The following TGFBR3 variants were observed in gnomAD, a reference collection of about 807,000 sequenced individuals.
TGFBR3 encodes the protein transforming growth factor beta receptor type 3.
TGFBR3 carries 46 observed loss-of-function variants against 87.9 expected under a neutral mutation model. The ratio of observed to expected loss-of-function variants is 0.52; its 90% CI spans 0.41 to 0.67. The LOEUF (loss-of-function observed/expected upper bound fraction) is 0.67, where lower values mean the gene tolerates loss of function less well. Among genes scored for constraint, TGFBR3 ranks in the 30% least tolerant of loss-of-function variants. The pLI is 0.00. For missense variants in TGFBR3, 866 were observed against 1,041.9 expected, an observed-to-expected ratio of 0.83 and a Z score of 2.32; for synonymous variants, 381 against 391.6, an observed-to-expected ratio of 0.97 and a Z score of 0.32.
chr1:91,858,115 T>C (rs1345360355), intron 2 of TGFBR3, among the ~76,000 whole-genome samples: 1 of 152,198 alleles, frequency 6.6e-6, no homozygotes, highest in East Asian at 1.9e-4. Flanking sequence ...TTAAAGTATC[T>C]ATATTTCTTA....
intron 3 of TGFBR3, among the ~76,000 whole-genome samples, chr1:91,785,475 G>A (rs1257254589): frequency 6.6e-6 from 1 of 152,126 alleles, no homozygotes. Flanking sequence ...ACTTTAAACA[G>A]GTAAACTTTA....
chr1:91,712,301 A>C lies in TGFBR3; in HGVS notation c.2108T>G (p.Leu703Arg). The C allele has an allele frequency of 1.2e-6, 2 of 1,614,236 alleles. No individual in the cohort carries two copies. Among genetic ancestry groups the C allele is most frequent in the Non-Finnish European group, 1.7e-6 (2 of 1,180,040 alleles). Residue 703 changes from leucine to arginine, a missense_variant, in exon 13 of 17, where the codon CTA (leucine) becomes CGA (arginine). By Grantham distance (102) the Leu-to-Arg change is moderately radical. Transcript: ENST00000212355. The part of the protein sequence containing the change: ...KPVFNTSLLF[L>R]QCELTLCTKM... ...CGTACACAGCGTCAGCTCACACTGT[A>C]GAAAGAGCAGTGAGGTGTTGAAGAC...
At chr1:91,860,338 T>C (rs1323548813) in intron 2 of TGFBR3, among the ~76,000 whole-genome samples, 11 of 152,238 alleles carry the variant, frequency 7.2e-5, no homozygotes, top group Admixed American at 5.9e-4. Context: ...CACTCTCATC[T>C]GTATGTGCAA....
rs528495584 is a variant in TGFBR3 at position 91,903,080 on chromosome 1, C to T, written c.-175+2746G>A. Among the ~76,000 whole-genome samples the T allele has an allele frequency of 2.0e-5, 3 of 150,402 alleles. No individual in the cohort carries two copies. In the South Asian group the frequency reaches 6.3e-4, roughly 32 times the overall value. On this transcript the variant is annotated intron_variant, in intron 1 of 17. Coordinates refer to the TGFBR3 transcript ENST00000370399. ...GGCATGGTGGCTCAAGCCTGTAATC[C>T]CAGCACTTTGGCAGGCCGAGATGGT...
At chr1:91,732,682 C>T (rs1318876360) in intron 5 of TGFBR3, among the ~76,000 whole-genome samples, 1 of 152,186 alleles carries the variant, frequency 6.6e-6, no homozygotes, top group Admixed American at 6.5e-5. Context: ...CACGGCATGG[C>T]CCGGTGACTC....
intron 2 of TGFBR3, among the ~76,000 whole-genome samples, chr1:91,837,333 C>T (rs1219037107): frequency 1.3e-5 from 2 of 152,064 alleles, no homozygotes; most frequent in African/African-American, 4.8e-5. Context: ...GCAGCCTCCA[C>T]CTCGTGGGTT....
chr1:91,791,691 T>C (rs934254615), intron 3 of TGFBR3, among the ~76,000 whole-genome samples: 7 of 152,186 alleles, frequency 4.6e-5, no homozygotes, highest in Non-Finnish European at 8.8e-5. Flanking sequence ...AGCTTGCAGC[T>C]TGCACTGTAG....
chr1:91,868,830 A>T (rs115433551), intron 1 of TGFBR3, among the ~76,000 whole-genome samples: 5,444 of 152,300 alleles, frequency 0.036, 134 homozygotes, highest in Non-Finnish European at 0.053. Flanking sequence ...CAAAAAATTT[A>T]AAAGTGCACC....
At chr1:91,717,051 G>A (rs1672200100) in intron 10 of TGFBR3, among the ~76,000 whole-genome samples, 1 of 152,186 alleles carries the variant, frequency 6.6e-6, no homozygotes, top group Non-Finnish European at 1.5e-5. Context: ...GAGTTGTCAA[G>A]AGACTTGCCT....
intron 4 of TGFBR3, among the ~76,000 whole-genome samples, chr1:91,743,096 C>G (rs1277724635): frequency 2.0e-5 from 3 of 152,290 alleles, no homozygotes; most frequent in Admixed American, 2.0e-4. Context: ...ATCTCCCAAG[C>G]CTGAGTGAAG....
At chr1:91,796,856 A>G (rs929794875) in intron 3 of TGFBR3, among the ~76,000 whole-genome samples, 1 of 151,432 alleles carries the variant, frequency 6.6e-6, no homozygotes, top group Non-Finnish European at 1.5e-5. Flanking sequence ...AGCTGGGACT[A>G]CATGTGCTAA....
Position 91,885,880 on chromosome 1 carries a change from C to T in TGFBR3, c.-116G>A, listed in dbSNP as rs906892531. 4.7e-5 allele frequency: 18 copies of T among 380,676 alleles called. No homozygotes were observed. The highest frequency in any genetic ancestry group is 3.6e-4 in the African/African-American group (17 of 46,606). 23.6% of individuals were successfully genotyped at this position (380,676 alleles called of 1,614,324 possible). ...CGCGGGGCTGGGCCGGCACGTACCT[C>T]GGAGGCGGTGTGTCCAGCGGAGATC... is the stretch of plus-strand genomic sequence containing the variant. On this transcript the variant is annotated splice_region_variant and 5_prime_UTR_variant, in exon 1 of 17. Coordinates refer to ENST00000212355, the MANE Select transcript of TGFBR3 (RefSeq NM_003243.5).
intron 2 of TGFBR3, among the ~76,000 whole-genome samples, chr1:91,799,502 T>C (rs554765498): frequency 1.3e-5 from 2 of 152,294 alleles, no homozygotes; most frequent in Admixed American, 1.3e-4. Flanking sequence ...TCTGGTATAC[T>C]TCACACCCAG....
In TGFBR3 at chr1:91,843,996, G is replaced by A. The variant is rs530547371; in HGVS notation, c.61+17475C>T. On this transcript the variant is annotated intron_variant, in intron 2 of 16. Coordinates refer to ENST00000212355, the MANE Select transcript of TGFBR3 (RefSeq NM_003243.5). ...TTCACTGGAGTGACTCTGTTCCAGC[G>A]AAACTCTGCTGGGAAAGCCCAACGG... Among the ~76,000 whole-genome samples, 9 of 152,258 alleles carry A rather than the reference G, an allele frequency of 5.9e-5. No individual in the cohort carries two copies. The East Asian group carries it at 7.7e-4, about 13-fold the overall frequency.
chr1:91,683,820 C>CG lies in TGFBR3; in HGVS notation c.2474dup (p.Pro826AlafsTer104). Reference sequence around the variant, plus strand: ...CAGCACTGCTGTTTTCCGAGGCTGGCGGGGAGGTGGGGACTTGCTGCCTTC... The same window carrying CG: ...CAGCACTGCTGTTTTCCGAGGCTGGCGGGGGAGGTGGGGACTTGCTGCCTTC... On this transcript the variant is annotated frameshift_variant, in exon 17 of 17. Transcript: ENST00000212355. LOFTEE classifies it high-confidence loss of function. 1 of 1,607,444 alleles carries CG rather than the reference C, an allele frequency of 6.2e-7. No homozygotes were observed. Among genetic ancestry groups the CG allele is most frequent in the African/African-American group, 1.3e-5 (1 of 74,966 alleles).
In TGFBR3 at chr1:91,885,876, A is replaced by C; in HGVS notation, c.-114+2T>G. 1 of 372,200 alleles carries C rather than the reference A, an allele frequency of 2.7e-6. No individual in the cohort carries two copies. The highest frequency in any genetic ancestry group is 1.9e-5 in the South Asian group (1 of 51,460). The allele number at this position is 372,200 out of a possible 1,614,324, so 23.1% of individuals were successfully genotyped here. On this transcript the variant is annotated splice_donor_variant, in intron 1 of 16. Transcript: ENST00000212355. LOFTEE classifies it low-confidence loss of function (5UTR_SPLICE). ...GCGCCGCGGGGCTGGGCCGGCACGT[A>C]CCTCGGAGGCGGTGTGTCCAGCGGA...
chr1:91,873,450 T>G (rs1392096345), intron 1 of TGFBR3, among the ~76,000 whole-genome samples: 1 of 151,712 alleles, frequency 6.6e-6, no homozygotes, highest in South Asian at 2.1e-4. Flanking sequence ...GCCCAGCTAA[T>G]TTTTGTATTT....
chr1:91,875,926 A>AG (rs1292188569), intron 1 of TGFBR3, among the ~76,000 whole-genome samples: 12 of 151,342 alleles, frequency 7.9e-5, no homozygotes, highest in East Asian at 1.9e-4. Flanking sequence ...AAAAAAAAAA[A>AG]AAAGAAAGAA....
Position 91,682,669 on chromosome 1 carries a change from A to G in TGFBR3, c.*1070T>C, listed in dbSNP as rs1380535960. 1 of 453,996 alleles carries G rather than the reference A, an allele frequency of 2.2e-6. No homozygotes were observed. The highest frequency in any genetic ancestry group is 4.4e-6 in the Non-Finnish European group (1 of 226,764). The allele number at this position is 453,996 out of a possible 1,614,324, so 28.1% of individuals were successfully genotyped here. On this transcript the variant is annotated 3_prime_UTR_variant, in exon 17 of 17. Transcript: ENST00000212355. ...ATTTGCCATGCATTTGCATCTTGCT[A>G]CAGTTTGGTTTTTATGAAAGGGCCT...
Sources: gnomAD v4.1 joint callset for allele counts (sites outside exome capture counted in the v4.1 genomes callset) on GRCh38, gnomAD v4.1.1 for gene constraint, MANE v1.5 for transcripts, NCBI Gene and HGNC (gene_info 2026-07-23, HGNC 2026-07-21) for gene names.